Variants in UQCRB observed in about 807,000 individuals in gnomAD.
The protein encoded by UQCRB is ubiquinol-cytochrome c reductase binding protein, also known as cytochrome b-c1 complex subunit 7.
In UQCRB, 12 loss-of-function variants were observed where a neutral mutation model predicts 19.8. The ratio of observed to expected loss-of-function variants is 0.61; its 90% CI spans 0.39 to 0.98. The LOEUF is 0.98. UQCRB is among the 50% of genes least tolerant of loss of function. The probability of loss-of-function intolerance (pLI) is 0.00; values close to 1 mark genes in which losing one functional copy is unlikely to be tolerated. For missense variants in UQCRB, 142 were observed against 131.8 expected (o/e 1.08, Z -0.38); for synonymous variants, 39 against 42.9 (o/e 0.91, Z 0.35).
At chr8:96,233,126 C>CA in intron 2 of UQCRB, 30 bp downstream of exon 2, 6 of 1,594,528 alleles carry the variant, frequency 3.8e-6, no homozygotes, top group Non-Finnish European at 5.1e-6. Flanking sequence ...ACAACAACAA[C>CA]AAAAAACATT....
At position 96,225,072 on chromosome 8, in the gene UQCRB, A is replaced by G. The variant is rs923429358; in HGVS notation, c.*5983T>C. 2.0e-5 allele frequency among the ~76,000 whole-genome samples: 3 copies of G among 152,224 alleles called. No individual in the cohort carries two copies. Among genetic ancestry groups the G allele is most frequent in the Non-Finnish European group, 4.4e-5 (3 of 68,042 alleles). On this transcript the variant is annotated 3_prime_UTR_variant, in exon 4 of 4. Coordinates refer to ENST00000287022, the MANE Select transcript of UQCRB (RefSeq NM_006294.5). Reference sequence around the variant, plus strand: ...AAAGGTCTCATACAAATAGATAAGAACTGACCCAGGTTTGGGAAGGGGGAA... The same window carrying G: ...AAAGGTCTCATACAAATAGATAAGAGCTGACCCAGGTTTGGGAAGGGGGAA...
intron 3 of UQCRB, chr8:96,231,475 T>C: frequency 2.6e-6 from 4 of 1,534,774 alleles, no homozygotes; most frequent in Non-Finnish European, 3.5e-6. Context: ...GATCTTTTCA[T>C]CTAAGTAGGA....
chr8:96,229,048 C>T lies in UQCRB; in HGVS notation c.*2007G>A, dbSNP rs1303581289. On this transcript the variant is annotated 3_prime_UTR_variant, in exon 4 of 4. Transcript: ENST00000287022. Reference sequence around the variant, plus strand: ...CAAATACTAGATCTACTTTCTTAGTCTTCATAACAAGCAGGACGATAACCA... The same window carrying T: ...CAAATACTAGATCTACTTTCTTAGTTTTCATAACAAGCAGGACGATAACCA... 2.2e-6 allele frequency: 1 copy of T among 454,058 alleles called. No individual in the cohort carries two copies. Among genetic ancestry groups the T allele is most frequent in the East Asian group, 6.9e-5 (1 of 14,392 alleles). 28.1% of individuals were successfully genotyped at this position (454,058 alleles called of 1,614,324 possible).
In UQCRB at chr8:96,226,666, T is replaced by TC. The variant is rs1809531122; in HGVS notation, c.*4388_*4389insG. ...ATTTAGAATACTAACAGAACAATTATTCAACTGGATAATGTTACCAGAAGT... is the reference window on the plus strand; with the variant it reads ...ATTTAGAATACTAACAGAACAATTATCTCAACTGGATAATGTTACCAGAAGT... On this transcript the variant is annotated 3_prime_UTR_variant, in exon 4 of 4. Transcript: ENST00000287022. The TC allele has an allele frequency of 6.3e-6, 2 of 318,074 alleles. No homozygotes were observed. Among genetic ancestry groups the TC allele is most frequent in the Admixed American group, 9.5e-5 (2 of 21,138 alleles). 19.7% of individuals were successfully genotyped at this position (318,074 alleles called of 1,614,324 possible).
Position 96,223,986 on chromosome 8 carries a change from T to C in UQCRB, c.*7069A>G, listed in dbSNP as rs1482066210. ...CTAGTGTGGTCTCCTGGAGTCTGAC[T>C]CTGGGGCATGAGTTAGCTTACCTCA... On this transcript the variant is annotated 3_prime_UTR_variant, in exon 4 of 4. Coordinates refer to ENST00000287022, the MANE Select transcript of UQCRB (RefSeq NM_006294.5). 6.6e-6 allele frequency among the ~76,000 whole-genome samples: 1 copy of C among 152,124 alleles called. No individual in the cohort carries two copies. The highest frequency in any genetic ancestry group is 1.5e-5 in the Non-Finnish European group (1 of 68,034).
chr8:96,234,320 T>C (rs1233051511), intron 1 of UQCRB: 1 of 329,064 alleles, frequency 3.0e-6, no homozygotes, highest in East Asian at 8.3e-5. Context: ...TATAATAATA[T>C]TCACTAAGCA....
chr8:96,231,252 T>A (rs776841642), intron 3 of UQCRB, 120 bp from the exon 4 acceptor site: 17 of 1,595,132 alleles, frequency 1.1e-5, no homozygotes, highest in Non-Finnish European at 1.4e-5. Context: ...TTAGAAAACA[T>A]ATTCTCAACC....
In UQCRB at chr8:96,233,111, AAAC is replaced by A. The variant is rs200246252; in HGVS notation, c.91+42_91+44del. 2,592 of 1,575,408 alleles carry A rather than the reference AAAC, an allele frequency of 1.6e-3. 24 individuals carry two copies. The African/African-American group carries it at 0.028, about 17-fold the overall frequency. On this transcript the variant is annotated intron_variant, in intron 2 of 3. Transcript: ENST00000287022. ...CAGAAAAACAAAAAAAAAAACAAAG[AAAC>A]AACAACAACAACAAAAAACATTAAA...
intron 1 of UQCRB, 155 bp downstream of exon 1, chr8:96,235,357 G>T (rs979399813): frequency 8.9e-7 from 1 of 1,122,582 alleles, no homozygotes; most frequent in Non-Finnish European, 1.3e-6. Flanking sequence ...GCAAACGAGT[G>T]GGGAAGCACA....
chr8:96,227,978 T>C lies in UQCRB; in HGVS notation c.*3077A>G, dbSNP rs1809563122. On this transcript the variant is annotated 3_prime_UTR_variant, in exon 4 of 4. Coordinates refer to ENST00000287022, the MANE Select transcript of UQCRB (RefSeq NM_006294.5). Reference sequence around the variant, plus strand: ...ACCATGATAACTCAGTGCAGGAATGTTATCAAATATTTCCATGCAATCTGG... The same window carrying C: ...ACCATGATAACTCAGTGCAGGAATGCTATCAAATATTTCCATGCAATCTGG... 2.2e-6 allele frequency: 1 copy of C among 454,052 alleles called. No individual in the cohort carries two copies. The highest frequency in any genetic ancestry group is 7.0e-5 in the East Asian group (1 of 14,388). The allele number at this position is 454,052 out of a possible 1,614,324, so 28.1% of individuals were successfully genotyped here.
At position 96,230,868 on chromosome 8, in the gene UQCRB, GA is replaced by G; in HGVS notation, c.*186del. On this transcript the variant is annotated 3_prime_UTR_variant, in exon 4 of 4. Transcript: ENST00000287022. ...CAACTAAATATATCTTGAAAGTTTGGAAAAAAATTTAACAGTAAAGGGATTC... is the reference window on the plus strand; with the variant it reads ...CAACTAAATATATCTTGAAAGTTTGGAAAAAATTTAACAGTAAAGGGATTC... The G allele has an allele frequency of 1.3e-6, 1 of 753,856 alleles. No individual in the cohort carries two copies. The highest frequency in any genetic ancestry group is 2.7e-5 in the East Asian group (1 of 36,546). The allele number at this position is 753,856 out of a possible 1,614,324, so 46.7% of individuals were successfully genotyped here.
chr8:96,234,421 A>T, intron 1 of UQCRB: 2 of 1,026,992 alleles, frequency 1.9e-6, no homozygotes, highest in Non-Finnish European at 2.7e-6. Flanking sequence ...AAGCTGGCTT[A>T]CAGAAGTGAT....
chr8:96,233,382 A>T (rs1809722168), intron 1 of UQCRB, 155 bp from the exon 2 acceptor site: 3 of 629,362 alleles, frequency 4.8e-6, no homozygotes, highest in African/African-American at 1.9e-5. Flanking sequence ...CAAGAATTTA[A>T]TCAAAAGAAT....
At position 96,230,518 on chromosome 8, in the gene UQCRB, ATACTTTT is replaced by A. The variant is rs1563536771; in HGVS notation, c.*530_*536del. 1.1e-5 allele frequency: 5 copies of A among 453,924 alleles called. No individual in the cohort carries two copies. Among genetic ancestry groups the A allele is most frequent in the Non-Finnish European group, 1.8e-5 (4 of 226,782 alleles). The allele number at this position is 453,924 out of a possible 1,614,324, so 28.1% of individuals were successfully genotyped here. On this transcript the variant is annotated 3_prime_UTR_variant, in exon 4 of 4. Transcript: ENST00000287022. ...TATGGGGACAGTATGATTTGTCTTT[ATACTTTT>A]ATTTTTCTAACATCTTTTTGTTTTC...
At chr8:96,235,303 G>A (rs376853761) in intron 1 of UQCRB, 22 of 691,654 alleles carry the variant, frequency 3.2e-5, no homozygotes, top group East Asian at 1.1e-4. Context: ...ACAAACAGCG[G>A]GTTAACATCC....
Position 96,229,694 on chromosome 8 carries a change from T to TTGTC in UQCRB, c.*1357_*1360dup, listed in dbSNP as rs919447802. 5 of 453,760 alleles carry TTGTC rather than the reference T, an allele frequency of 1.1e-5. No individual in the cohort carries two copies. Among genetic ancestry groups the TTGTC allele is most frequent in the African/African-American group, 1.0e-4 (5 of 49,922 alleles). The allele number at this position is 453,760 out of a possible 1,614,324, so 28.1% of individuals were successfully genotyped here. On this transcript the variant is annotated 3_prime_UTR_variant, in exon 4 of 4. Transcript: ENST00000287022. ...GCAAAACCATTATCAAGTGATCTAGTTGTCTTCAACCATACAAAAGAAAAT... is the reference window on the plus strand; with the variant it reads ...GCAAAACCATTATCAAGTGATCTAGTTGTCTGTCTTCAACCATACAAAAGAAAAT...
At chr8:96,231,399 GT>G (rs1469446713) in intron 3 of UQCRB, 51 of 1,537,806 alleles carry the variant, frequency 3.3e-5, no homozygotes, top group Non-Finnish European at 4.4e-5. Flanking sequence ...TTTCAATGCA[GT>G]TCAAGGGGTG....
At chr8:96,232,728 A>G in intron 2 of UQCRB, 1 of 173,132 alleles carries the variant, frequency 5.8e-6, no homozygotes, top group Non-Finnish European at 1.2e-5. Flanking sequence ...CCAGCTACTC[A>G]GGAGGCTGAG....
chr8:96,231,989 G>GT lies in UQCRB; in HGVS notation c.92-50dup, dbSNP rs142060471. ...TTGCACATGCATCTCAAAAATCGCGGTTTTTTTAAATTAGTAAAATACCTT... is the reference window on the plus strand; with the variant it reads ...TTGCACATGCATCTCAAAAATCGCGGTTTTTTTTAAATTAGTAAAATACCTT... On this transcript the variant is annotated intron_variant, in intron 2 of 3. Coordinates refer to ENST00000287022, the MANE Select transcript of UQCRB (RefSeq NM_006294.5). 3.9e-3 allele frequency: 6,177 copies of GT among 1,597,568 alleles called. 163 individuals are homozygous for GT. The East Asian group carries it at 0.074, about 19-fold the overall frequency.
Sources: gnomAD v4.1 joint callset for allele counts (sites outside exome capture counted in the v4.1 genomes callset) on GRCh38, gnomAD v4.1.1 for gene constraint, MANE v1.5 for transcripts, NCBI Gene and HGNC (gene_info 2026-07-23, HGNC 2026-07-21) for gene names.